Variants in CFAP206 observed in about 807,000 individuals in gnomAD.
The protein encoded by CFAP206 is cilia and flagella associated protein 206.
A neutral mutation model predicts 65.4 loss-of-function variants in CFAP206; 53 were observed. The ratio of observed to expected loss-of-function variants is 0.81; its 90% CI spans 0.65 to 1.02. The LOEUF is 1.02. Among genes scored for constraint, CFAP206 ranks in the 50% least tolerant of loss-of-function variants. The pLI is 0.00. For missense variants in CFAP206, 663 were observed against 753.2 expected (o/e 0.88, Z 1.40); for synonymous variants, 250 against 254.4 (o/e 0.98, Z 0.17).
chr6:87,424,343 G>T (rs751261306), intron 7 of CFAP206, among the ~76,000 whole-genome samples: 11 of 151,982 alleles, frequency 7.2e-5, no homozygotes, highest in Non-Finnish European at 1.6e-4. Flanking sequence ...GCAGTGGCTC[G>T]ATCTTGGCTC....
intron 11 of CFAP206, among the ~76,000 whole-genome samples, chr6:87,448,303 C>T (rs147056991): frequency 3.3e-4 from 50 of 152,292 alleles, no homozygotes; most frequent in African/African-American, 1.0e-3. Context: ...TACAGCCACA[C>T]GCCACTGTGC....
chr6:87,455,875 C>T (rs1259972337), intron 11 of CFAP206, among the ~76,000 whole-genome samples: 3 of 152,136 alleles, frequency 2.0e-5, no homozygotes, highest in Non-Finnish European at 2.9e-5. Context: ...AAAGGTCTCC[C>T]AGCAAAGAAA....
chr6:87,430,819 A>G (rs1768143359), intron 9 of CFAP206, among the ~76,000 whole-genome samples: 1 of 152,190 alleles, frequency 6.6e-6, no homozygotes, highest in East Asian at 1.9e-4. Flanking sequence ...TGCCCCAGAA[A>G]CTTACGTGAC....
At chr6:87,421,200 T>G (rs1408355515) in intron 7 of CFAP206, among the ~76,000 whole-genome samples, 1 of 152,220 alleles carries the variant, frequency 6.6e-6, no homozygotes, top group African/African-American at 2.4e-5. Context: ...AAAAATCCAA[T>G]ATAGGCCGAG....
At position 87,457,407 on chromosome 6, in the gene CFAP206, C is replaced by T. The variant is rs1768666077; in HGVS notation, c.1495-3615C>T. Among the ~76,000 whole-genome samples the T allele has an allele frequency of 2.0e-5, 3 of 152,126 alleles. No homozygotes were observed. The South Asian group carries it at 6.2e-4, about 31-fold the overall frequency. Reference sequence around the variant, plus strand: ...AAACTGGAGGAATCACATTACCTAACTTCAAATTATACTACAGAGCTATAG... The same window carrying T: ...AAACTGGAGGAATCACATTACCTAATTTCAAATTATACTACAGAGCTATAG... On this transcript the variant is annotated intron_variant, in intron 11 of 12. Transcript: ENST00000369562.
intron 11 of CFAP206, among the ~76,000 whole-genome samples, chr6:87,458,855 A>G (rs1768695633): frequency 6.6e-6 from 1 of 152,144 alleles, no homozygotes; most frequent in Non-Finnish European, 1.5e-5. Context: ...GTTTGAGGTG[A>G]TGGACACCCC....
intron 4 of CFAP206, 22 bp from the exon 5 acceptor site, chr6:87,415,664 C>G (rs370204040): frequency 1.3e-6 from 2 of 1,592,722 alleles, no homozygotes; most frequent in African/African-American, 2.7e-5. Flanking sequence ...ATATATAGAA[C>G]ATTGTTATTT....
intron 11 of CFAP206, among the ~76,000 whole-genome samples, chr6:87,453,957 A>G (rs1768587648): frequency 6.6e-6 from 1 of 152,164 alleles, no homozygotes; most frequent in Non-Finnish European, 1.5e-5. Flanking sequence ...GAATGGATTT[A>G]AAAAAACAAG....
At chr6:87,413,297 T>TA (rs1767769213) in intron 3 of CFAP206, among the ~76,000 whole-genome samples, 1 of 152,144 alleles carries the variant, frequency 6.6e-6, no homozygotes, top group South Asian at 2.1e-4. Context: ...TATTGAGCCA[T>TA]AAAAAATAAT....
intron 11 of CFAP206, chr6:87,441,174 C>T: frequency 3.4e-6 from 1 of 297,456 alleles, no homozygotes; most frequent in Non-Finnish European, 5.3e-6. Context: ...ATCAGCTCTG[C>T]TGTTGGCTGC....
At chr6:87,455,139 C>T (rs1318627524) in intron 11 of CFAP206, among the ~76,000 whole-genome samples, 6 of 151,914 alleles carry the variant, frequency 3.9e-5, no homozygotes, top group Non-Finnish European at 5.9e-5. Context: ...CCGGGCTGGA[C>T]TTGAACTCCT....
chr6:87,436,661 G>A (rs1056707574), intron 11 of CFAP206: 1 of 152,330 alleles, frequency 6.6e-6, no homozygotes, highest in Non-Finnish European at 1.5e-5. Context: ...TTCTGACATT[G>A]TGTTATTCTG....
chr6:87,427,982 CT>C (rs10693817), intron 8 of CFAP206, among the ~76,000 whole-genome samples: 64 of 93,916 alleles, frequency 6.8e-4, no homozygotes, highest in Admixed American at 2.5e-3. Flanking sequence ...CTCCACCCTC[CT>C]TTTTTTTTTT....
At chr6:87,417,755 C>CTTTTTT in intron 6 of CFAP206, among the ~76,000 whole-genome samples, 1 of 121,760 alleles carries the variant, frequency 8.2e-6, no homozygotes, top group Non-Finnish European at 1.7e-5. Flanking sequence ...GTTTTAGATT[C>CTTTTTT]TTTTTTTTTT....
intron 8 of CFAP206, 27 bp from the exon 9 acceptor site, chr6:87,428,599 T>A: frequency 6.3e-7 from 1 of 1,593,192 alleles, no homozygotes; most frequent in Non-Finnish European, 8.6e-7. Flanking sequence ...ACAGTTGCAT[T>A]TTGAATATTT....
rs1768520306 is a variant in CFAP206, at chr6:87,450,474, A to AGTGTGTGTGT, written c.1495-10548_1495-10547insGTGTGTGTGT. On this transcript the variant is annotated intron_variant, in intron 11 of 12. Coordinates refer to ENST00000369562, the MANE Select transcript of CFAP206 (RefSeq NM_001031743.3). Reference sequence around the variant, plus strand: ...TATATATTTCCTTTGAATAAATGAAAATGTGTGTGTGTGTGTGTGTGTGTG... The same window carrying AGTGTGTGTGT: ...TATATATTTCCTTTGAATAAATGAAAGTGTGTGTGTATGTGTGTGTGTGTGTGTGTGTGTG... Among the ~76,000 whole-genome samples, 3 of 105,026 alleles carry AGTGTGTGTGT rather than the reference A, an allele frequency of 2.9e-5. No individual in the cohort carries two copies. In the South Asian group the frequency reaches 1.1e-3, roughly 37 times the overall value. The allele number at this position is 105,026 out of a possible 152,430, so 68.9% of individuals were successfully genotyped here.
At chr6:87,412,622 G>A (rs1272711453) in intron 3 of CFAP206, among the ~76,000 whole-genome samples, 2 of 152,064 alleles carry the variant, frequency 1.3e-5, no homozygotes, top group Non-Finnish European at 2.9e-5. Flanking sequence ...GAGGGGGGTG[G>A]TTGCAGCAGC....
intron 7 of CFAP206, among the ~76,000 whole-genome samples, chr6:87,424,289 TA>T (rs1468034075): frequency 1.3e-5 from 2 of 152,210 alleles, no homozygotes; most frequent in African/African-American, 2.4e-5. Context: ...TATTTTTTTT[TA>T]TTTTTTTGGG....
chr6:87,445,078 T>C, intron 11 of CFAP206: 1 of 500,370 alleles, frequency 2.0e-6, no homozygotes, highest in Non-Finnish European at 4.0e-6. Flanking sequence ...TCAATGGCTT[T>C]CTACGGTTCA....
Sources: allele counts gnomAD v4.1 joint callset (sites outside exome capture counted in the v4.1 genomes callset), GRCh38; gene constraint gnomAD v4.1.1; transcripts MANE v1.5; gene names NCBI Gene and HGNC (gene_info 2026-07-23, HGNC 2026-07-21).